NOC3L: variants seen among roughly 807,000 people sequenced by gnomAD.
NOC3L encodes nucleolar complex protein 3 homolog.
NOC3L carries 85 observed loss-of-function variants against 102.5 expected under a neutral mutation model. That is an observed-to-expected ratio of 0.83 (90% confidence interval 0.70 to 0.99). The LOEUF (loss-of-function observed/expected upper bound fraction) is 0.99, where lower values mean the gene tolerates loss of function less well. Ranked by LOEUF, NOC3L falls within the 50% of genes least tolerant of loss-of-function variation. The probability of loss-of-function intolerance (pLI) is 0.00; values close to 1 mark genes in which losing one functional copy is unlikely to be tolerated. For synonymous variants in NOC3L, 303 were observed against 309.4 expected (o/e 0.98, Z 0.22); for missense variants, 878 against 914.9 (o/e 0.96, Z 0.52).
At chr10:94,323,953 C>T in the NOC3L span, among the ~76,000 whole-genome samples, 1 of 152,188 alleles carries the variant, frequency 6.6e-6, no homozygotes, top group African/African-American at 2.4e-5. Context: ...GGGACAGAGA[C>T]GCTCCTGAAG....
rs1193319596 is a variant in NOC3L at position 94,345,297 on chromosome 10, G to GA, written c.1390-365dup. Among the ~76,000 whole-genome samples the GA allele has an allele frequency of 7.9e-3, 1,121 of 142,744 alleles. 10 individuals are homozygous for GA. Among genetic ancestry groups the GA allele is most frequent in the African/African-American group, 0.027 (1,046 of 39,128 alleles). The allele number at this position is 142,744 out of a possible 152,430, so 93.6% of individuals were successfully genotyped here. A position where few individuals can be genotyped will look rare whatever the true frequency, so the allele number is the denominator to read the frequency against. On this transcript the variant is annotated intron_variant, in intron 11 of 20. Coordinates refer to ENST00000371361, the MANE Select transcript of NOC3L (RefSeq NM_022451.11). ...TCTATTATTAAAGTTTTTCAAAAAAGAAAAAAAAAAGGAAAGAACATGTTG... is the reference window on the plus strand; with the variant it reads ...TCTATTATTAAAGTTTTTCAAAAAAGAAAAAAAAAAAGGAAAGAACATGTTG...
chr10:94,347,186 GA>G (rs1487769427), intron 10 of NOC3L, among the ~76,000 whole-genome samples: 1 of 152,088 alleles, frequency 6.6e-6, no homozygotes, highest in Non-Finnish European at 1.5e-5. Flanking sequence ...AGCATTCCTG[GA>G]AAAAACCTTG....
At chr10:94,324,147 T>C in the NOC3L span, among the ~76,000 whole-genome samples, 21 of 152,336 alleles carry the variant, frequency 1.4e-4, no homozygotes, top group South Asian at 4.4e-3. Context: ...TCATAGACTG[T>C]TGCAAAGCTA....
At chr10:94,328,604 T>A (rs1293760501), downstream of NOC3L, 1 of 152,274 alleles carries the variant, frequency 6.6e-6, no homozygotes, top group African/African-American at 2.4e-5. Flanking sequence ...GAAAGGAAGT[T>A]TAGCCATACA....
chr10:94,330,592 A>C (rs1334276909), downstream of NOC3L: 1 of 151,786 alleles, frequency 6.6e-6, no homozygotes, highest in African/African-American at 2.4e-5. Context: ...GGGGAGGCTG[A>C]GGCAGGAGAG....
the NOC3L span, among the ~76,000 whole-genome samples, chr10:94,318,893 C>T: frequency 1.3e-5 from 2 of 152,086 alleles, no homozygotes; most frequent in African/African-American, 4.8e-5. Flanking sequence ...ACTAAAAATA[C>T]AAAAATTAGC....
chr10:94,338,872 T>C (rs536831204), intron 17 of NOC3L, 136 bp from the exon 18 acceptor site: 13 of 628,388 alleles, frequency 2.1e-5, no homozygotes, highest in Non-Finnish European at 3.0e-5. Context: ...CACCTAGATT[T>C]AATAAAAAAC....
At chr10:94,358,044 A>G (rs1224337729) in intron 3 of NOC3L, 39 bp downstream of exon 3, 1 of 1,368,826 alleles carries the variant, frequency 7.3e-7, no homozygotes, top group Admixed American at 1.7e-5. Context: ...TTTTAACACT[A>G]AATGGATATG....
At chr10:94,327,070 G>A in the NOC3L span, among the ~76,000 whole-genome samples, 2 of 152,186 alleles carry the variant, frequency 1.3e-5, no homozygotes, top group African/African-American at 2.4e-5. Flanking sequence ...GCTGAGGCAG[G>A]AGAATCGCTT....
chr10:94,336,198 T>TCTGC (rs1173537345), intron 19 of NOC3L, among the ~76,000 whole-genome samples: 3 of 152,172 alleles, frequency 2.0e-5, no homozygotes, highest in Admixed American at 6.5e-5. Flanking sequence ...TTCTGTCCTG[T>TCTGC]CTGCCATGTG....
intron 2 of NOC3L, among the ~76,000 whole-genome samples, chr10:94,359,322 A>C (rs1357617219): frequency 6.6e-6 from 1 of 152,192 alleles, no homozygotes; most frequent in Non-Finnish European, 1.5e-5. Flanking sequence ...GCTACTTGGG[A>C]AGCTGAGGCA....
chr10:94,358,215 C>T lies in NOC3L; in HGVS notation c.218G>A (p.Gly73Asp), dbSNP rs766056046. The T allele has an allele frequency of 7.3e-7, 1 of 1,376,712 alleles. No homozygotes were observed. The highest frequency in any genetic ancestry group is 1.2e-5 in the South Asian group (1 of 86,310). The allele number at this position is 1,376,712 out of a possible 1,614,324, so 85.3% of individuals were successfully genotyped here. Residue 73 changes from glycine to aspartate, a missense_variant and splice_region_variant, in exon 3 of 21, where the codon GGT becomes GAT. Gly to Asp is a moderately conservative substitution (Grantham distance 94). Coordinates refer to ENST00000371361, the MANE Select transcript of NOC3L (RefSeq NM_022451.11). ...CTCTTCTTCCCTCTCAATCCTTTTA[C>T]CTGTACCACACACACACACACACAA... Reference protein sequence around the residue: ...PLENPKEKRPGKRIEREEEEE... With the variant: ...PLENPKEKRPDKRIEREEEEE...
chr10:94,356,906 C>G (rs1239353152), intron 4 of NOC3L, among the ~76,000 whole-genome samples: 3 of 152,026 alleles, frequency 2.0e-5, no homozygotes, highest in African/African-American at 4.8e-5. Flanking sequence ...TAATCAAGAA[C>G]AGTTAATATG....
At chr10:94,322,126 G>A in the NOC3L span, 1 of 1,405,158 alleles carries the variant, frequency 7.1e-7, no homozygotes, top group South Asian at 1.2e-5. Flanking sequence ...AAATGTCTGT[G>A]CACTGATGGC....
the NOC3L span, chr10:94,327,964 A>G: frequency 1.9e-6 from 1 of 532,666 alleles, no homozygotes. Flanking sequence ...ATACAACATT[A>G]CAGGTGAAGA....
chr10:94,340,707 C>T (rs777339205), intron 14 of NOC3L, among the ~76,000 whole-genome samples: 49 of 151,944 alleles, frequency 3.2e-4, no homozygotes, highest in East Asian at 3.9e-4. Flanking sequence ...CAGGGCCGGG[C>T]GCGGTGGCTC....
chr10:94,321,348 G>C, the NOC3L span, among the ~76,000 whole-genome samples: 1 of 152,322 alleles, frequency 6.6e-6, no homozygotes, highest in South Asian at 2.1e-4. Context: ...AAAATCCACA[G>C]CTAGGCGGGG....
the NOC3L span, among the ~76,000 whole-genome samples, chr10:94,316,285 C>G: frequency 4.6e-5 from 7 of 152,146 alleles, no homozygotes. Context: ...ATTTTTAATT[C>G]ACTAGGAGCT....
the NOC3L span, among the ~76,000 whole-genome samples, chr10:94,320,978 A>G: frequency 6.6e-6 from 1 of 152,194 alleles, no homozygotes; most frequent in Non-Finnish European, 1.5e-5. Context: ...TTTCTTATTG[A>G]TACGCTTCTG....
Sources: allele counts gnomAD v4.1 joint callset (sites outside exome capture counted in the v4.1 genomes callset), GRCh38; gene constraint gnomAD v4.1.1; transcripts MANE v1.5; gene names NCBI Gene and HGNC (gene_info 2026-07-23, HGNC 2026-07-21).